The following METTL15 variants were observed in gnomAD, a reference collection of about 807,000 sequenced individuals.
METTL15 encodes the protein methyltransferase 15, mitochondrial 12S rRNA N4-cytidine, also known as 12S rRNA N(4)-cytidine methyltransferase METTL15.
In METTL15, 34 loss-of-function variants were observed where a neutral mutation model predicts 38.3. The ratio of observed to expected loss-of-function variants is 0.89; its 90% CI spans 0.68 to 1.18. METTL15 has a LOEUF of 1.18. Among genes scored for constraint, METTL15 ranks in the 50% most tolerant of loss-of-function variants. METTL15 has a pLI of 0.00. For synonymous variants in METTL15, 162 were observed against 170.9 expected, an observed-to-expected ratio of 0.95 and a Z score of 0.41; for missense variants, 438 against 498.4, an observed-to-expected ratio of 0.88 and a Z score of 1.15.
intron 6 of METTL15, among the ~76,000 whole-genome samples, chr11:28,459,346 T>A (rs147162508): frequency 2.0e-3 from 303 of 152,250 alleles, no homozygotes; most frequent in Non-Finnish European, 3.6e-3. Context: ...GAAGATAAAC[T>A]GATGCCCAAT....
chr11:28,327,323 T>C lies in METTL15; in HGVS notation c.779-3073T>C, dbSNP rs1849669195. Among the ~76,000 whole-genome samples, 2 of 152,220 alleles carry C rather than the reference T, an allele frequency of 1.3e-5. 1 individual carries two copies. Among genetic ancestry groups the C allele is most frequent in the Admixed American group, 1.3e-4 (2 of 15,274 alleles). The stretch of plus-strand genomic sequence containing the variant: ...GCTTCATAGATTAAAGTTCCCCTAT[T>C]ATCTTTAAGACCATCTATTCCCAAA... On this transcript the variant is annotated intron_variant, in intron 6 of 6. Transcript: ENST00000407364.
intron 6 of METTL15, among the ~76,000 whole-genome samples, chr11:28,428,138 C>T (rs536203623): frequency 2.6e-5 from 4 of 152,240 alleles, no homozygotes; most frequent in African/African-American, 7.2e-5. Context: ...TTTGTACAAA[C>T]GTTGTAGAGT....
At chr11:28,276,885 C>A (rs1855863932) in intron 4 of METTL15, among the ~76,000 whole-genome samples, 1 of 152,196 alleles carries the variant, frequency 6.6e-6, no homozygotes, top group African/African-American at 2.4e-5. Flanking sequence ...GAAACTGGAC[C>A]TCTATCTCTC....
At chr11:28,183,408 T>C (rs978029921) in intron 3 of METTL15, among the ~76,000 whole-genome samples, 7 of 152,088 alleles carry the variant, frequency 4.6e-5, no homozygotes, top group African/African-American at 1.7e-4. Flanking sequence ...TGTAAATAGC[T>C]TGTATTATTT....
chr11:28,322,432 C>T (rs1590322443), intron 6 of METTL15, among the ~76,000 whole-genome samples: 1 of 151,976 alleles, frequency 6.6e-6, no homozygotes, highest in Non-Finnish European at 1.5e-5. Flanking sequence ...TTACTAATTG[C>T]CAAAGAAATG....
chr11:28,124,790 T>C (rs1852403402), intron 3 of METTL15, among the ~76,000 whole-genome samples: 1 of 152,110 alleles, frequency 6.6e-6, no homozygotes, highest in South Asian at 2.1e-4. Flanking sequence ...AGCAGAAATA[T>C]GAAAGAATTA....
At position 28,144,625 on chromosome 11, in the gene METTL15, A is replaced by G. The variant is rs1353601115; in HGVS notation, c.270+31021A>G. Among the ~76,000 whole-genome samples the G allele has an allele frequency of 2.6e-5, 4 of 152,106 alleles. No homozygotes were observed. The East Asian group carries it at 7.7e-4, about 29-fold the overall frequency. On this transcript the variant is annotated intron_variant, in intron 3 of 6. Coordinates refer to ENST00000407364, the MANE Select transcript of METTL15 (RefSeq NM_001113528.2). Reference sequence around the variant, plus strand: ...GAATGACCAGGGTTTAGATATATATATGTGCGTGTGTGTAATTTTTGGTGG... The same window carrying G: ...GAATGACCAGGGTTTAGATATATATGTGTGCGTGTGTGTAATTTTTGGTGG...
Position 28,331,586 on chromosome 11 carries a change from AT to A in METTL15, c.*751del, listed in dbSNP as rs1484975685. ...ATAAAGTCTCTTATTAGAATCTTGT[AT>A]TTTTTAATTGAGCTAATCAAAATAA... On this transcript the variant is annotated 3_prime_UTR_variant, in exon 7 of 7. Coordinates refer to ENST00000407364, the MANE Select transcript of METTL15 (RefSeq NM_001113528.2). The A allele has an allele frequency of 6.6e-6, 1 of 151,484 alleles. No individual in the cohort carries two copies. The allele number at this position is 151,484 out of a possible 1,614,324, so 9.4% of individuals were successfully genotyped here. A position where few individuals can be genotyped will look rare whatever the true frequency, so the allele number is the denominator to read the frequency against.
At chr11:28,351,501 A>C (rs564894263) in intron 3 of METTL15, among the ~76,000 whole-genome samples, 10 of 152,320 alleles carry the variant, frequency 6.6e-5, no homozygotes, top group African/African-American at 1.9e-4. Context: ...TCCCTGCCCC[A>C]CATGTCTATA....
At chr11:28,499,482 T>G (rs1163257668) in intron 6 of METTL15, among the ~76,000 whole-genome samples, 1 of 152,208 alleles carries the variant, frequency 6.6e-6, no homozygotes, top group Non-Finnish European at 1.5e-5. Flanking sequence ...CCATTAGTTC[T>G]CTTTATTCCT....
chr11:28,396,284 G>C (rs1306867704), intron 5 of METTL15, among the ~76,000 whole-genome samples: 3 of 152,084 alleles, frequency 2.0e-5, no homozygotes, highest in Non-Finnish European at 2.9e-5. Flanking sequence ...TATTCAATTA[G>C]GAAAAGAGGA....
chr11:28,108,841 G>A (rs1851596272), intron 1 of METTL15, among the ~76,000 whole-genome samples: 2 of 152,078 alleles, frequency 1.3e-5, no homozygotes, highest in Non-Finnish European at 1.5e-5. Flanking sequence ...TTTTTTTTAA[G>A]TCCCAGGTTA....
chr11:28,198,861 A>G (rs916551985), intron 3 of METTL15, among the ~76,000 whole-genome samples: 1 of 152,166 alleles, frequency 6.6e-6, no homozygotes, highest in African/African-American at 2.4e-5. Context: ...TAGACAGAAA[A>G]CATGCAGAGC....
At chr11:28,241,802 A>G (rs1445834388) in intron 4 of METTL15, among the ~76,000 whole-genome samples, 1 of 152,186 alleles carries the variant, frequency 6.6e-6, no homozygotes, top group African/African-American at 2.4e-5. Flanking sequence ...AGATGCCCAT[A>G]TGGGGAGCAC....
chr11:28,385,188 G>C (rs537090678), intron 5 of METTL15, among the ~76,000 whole-genome samples: 1 of 152,010 alleles, frequency 6.6e-6, no homozygotes, highest in African/African-American at 2.4e-5. Context: ...TTGCAATTGC[G>C]TTTGACATCT....
chr11:28,423,611 A>G (rs1850839857), intron 5 of METTL15, among the ~76,000 whole-genome samples: 1 of 152,122 alleles, frequency 6.6e-6, no homozygotes, highest in Non-Finnish European at 1.5e-5. Context: ...TAGAAAGACA[A>G]ACTTCACATT....
intron 4 of METTL15, among the ~76,000 whole-genome samples, chr11:28,359,233 C>T (rs990518805): frequency 3.3e-5 from 5 of 152,170 alleles, no homozygotes; most frequent in African/African-American, 1.2e-4. Flanking sequence ...GGTTCTCCAG[C>T]CATACCCATG....
chr11:28,150,389 G>A (rs1310163970), intron 3 of METTL15, among the ~76,000 whole-genome samples: 3 of 151,334 alleles, frequency 2.0e-5, no homozygotes, highest in South Asian at 2.1e-4. Flanking sequence ...AGATATTGAG[G>A]GAAAAAAGGA....
intron 6 of METTL15, among the ~76,000 whole-genome samples, chr11:28,526,189 AG>A (rs1851810021): frequency 6.6e-6 from 1 of 152,194 alleles, no homozygotes; most frequent in Non-Finnish European, 1.5e-5. Context: ...TGGCAAGCTG[AG>A]GGAGCCGGCT....
Sources: allele counts gnomAD v4.1 joint callset (sites outside exome capture counted in the v4.1 genomes callset), GRCh38; gene constraint gnomAD v4.1.1; transcripts MANE v1.5; gene names NCBI Gene and HGNC (gene_info 2026-07-23, HGNC 2026-07-21).